Variants in MACROD1 observed in about 807,000 individuals in gnomAD.
MACROD1 encodes the protein mono-ADP ribosylhydrolase 1, also known as ADP-ribose glycohydrolase MACROD1.
A neutral mutation model predicts 41.4 loss-of-function variants in MACROD1; 31 were observed. That is an observed-to-expected ratio of 0.75 (90% CI 0.56 to 1.01). The LOEUF (loss-of-function observed/expected upper bound fraction) is 1.01. MACROD1 is among the 50% of genes least tolerant of loss of function. The pLI, the probability that MACROD1 is intolerant of heterozygous loss-of-function variation, is 0.00. For synonymous variants in MACROD1, 252 were observed against 203.4 expected (o/e 1.24, Z -2.03); for missense variants, 473 against 460.0 (o/e 1.03, Z -0.26).
chr11:64,105,637 A>G (rs1944748790), intron 3 of MACROD1, among the ~76,000 whole-genome samples: 1 of 152,220 alleles, frequency 6.6e-6, no homozygotes, highest in East Asian at 1.9e-4. Flanking sequence ...GAGTGACCCC[A>G]CAGGCGTGAG....
At chr11:64,050,290 C>T (rs1017212789) in intron 3 of MACROD1, among the ~76,000 whole-genome samples, 2 of 152,128 alleles carry the variant, frequency 1.3e-5, no homozygotes, top group African/African-American at 4.8e-5. Flanking sequence ...CCCCAGGACT[C>T]ACAGCTACCA....
chr11:64,041,036 T>A (rs1943474567), intron 3 of MACROD1, among the ~76,000 whole-genome samples: 1 of 151,760 alleles, frequency 6.6e-6, no homozygotes, highest in East Asian at 1.9e-4. Context: ...TATACTTAAT[T>A]AAAACTGGGA....
intron 3 of MACROD1, among the ~76,000 whole-genome samples, chr11:64,141,600 G>C (rs963006613): frequency 6.6e-6 from 1 of 152,222 alleles, no homozygotes; most frequent in African/African-American, 2.4e-5. Flanking sequence ...TTCATGCTTG[G>C]CCAATTTAAT....
At chr11:64,071,593 A>C (rs1305092217) in intron 3 of MACROD1, among the ~76,000 whole-genome samples, 1 of 151,578 alleles carries the variant, frequency 6.6e-6, no homozygotes, top group Non-Finnish European at 1.5e-5. Flanking sequence ...TCCCCAAATG[A>C]CCGCTCTTCC....
intron 3 of MACROD1, among the ~76,000 whole-genome samples, chr11:64,053,881 C>T (rs1943737665): frequency 6.6e-6 from 1 of 152,104 alleles, no homozygotes; most frequent in African/African-American, 2.4e-5. Context: ...GATGCAAGGC[C>T]GCATACCCGG....
intron 3 of MACROD1, among the ~76,000 whole-genome samples, chr11:64,037,593 G>A (rs888722013): frequency 2.6e-5 from 4 of 152,174 alleles, no homozygotes; most frequent in African/African-American, 9.7e-5. Flanking sequence ...GTGAGGGGCA[G>A]GAAGAGCTGA....
chr11:64,123,209 G>A (rs559310958), intron 3 of MACROD1, among the ~76,000 whole-genome samples: 17 of 152,320 alleles, frequency 1.1e-4, no homozygotes, highest in African/African-American at 3.8e-4. Context: ...AGTGACGGGC[G>A]TCCGCGTGCC....
At chr11:64,155,285 G>A (rs1945650382) in intron 1 of MACROD1, among the ~76,000 whole-genome samples, 1 of 152,272 alleles carries the variant, frequency 6.6e-6, no homozygotes, top group Admixed American at 6.5e-5. Context: ...AAAAGAGAGA[G>A]AGCATTTGGG....
chr11:64,072,513 G>A (rs1468213830), intron 3 of MACROD1, among the ~76,000 whole-genome samples: 1 of 152,204 alleles, frequency 6.6e-6, no homozygotes, highest in Non-Finnish European at 1.5e-5. Flanking sequence ...TGATAAACCA[G>A]GCACCCGTGA....
chr11:64,080,158 G>A (rs563663328), intron 3 of MACROD1, among the ~76,000 whole-genome samples: 2 of 152,252 alleles, frequency 1.3e-5, no homozygotes, highest in East Asian at 1.9e-4. Context: ...GATTACAGGC[G>A]TGCGCCACCA....
chr11:64,158,712 G>A (rs993694545), intron 1 of MACROD1, among the ~76,000 whole-genome samples: 6 of 131,836 alleles, frequency 4.6e-5, no homozygotes, highest in African/African-American at 1.5e-4. Flanking sequence ...GCCAGGGGCT[G>A]TTGGAACAAG....
At chr11:64,155,910 A>T (rs1364022838) in intron 1 of MACROD1, among the ~76,000 whole-genome samples, 1 of 151,984 alleles carries the variant, frequency 6.6e-6, no homozygotes, top group African/African-American at 2.4e-5. Flanking sequence ...GGAGTTTGAG[A>T]TCAGCCTGGC....
At chr11:64,022,557 C>A (rs926002068) in intron 3 of MACROD1, among the ~76,000 whole-genome samples, 1 of 152,114 alleles carries the variant, frequency 6.6e-6, no homozygotes, top group Non-Finnish European at 1.5e-5. Context: ...GACTTGAGGG[C>A]GAGTCGTTTA....
At chr11:64,030,590 A>G (rs528466105) in intron 3 of MACROD1, among the ~76,000 whole-genome samples, 10 of 152,284 alleles carry the variant, frequency 6.6e-5, no homozygotes, top group Admixed American at 5.9e-4. Flanking sequence ...CCAGGAAGCA[A>G]ACACAACGCC....
chr11:64,163,570 G>A (rs568819855), intron 1 of MACROD1, among the ~76,000 whole-genome samples: 10 of 152,290 alleles, frequency 6.6e-5, no homozygotes, highest in African/African-American at 2.4e-4. Flanking sequence ...CACTCAAGCA[G>A]CCCCATGGAG....
At chr11:64,083,366 G>A (rs1320978924) in intron 3 of MACROD1, among the ~76,000 whole-genome samples, 1 of 152,202 alleles carries the variant, frequency 6.6e-6, no homozygotes, top group Admixed American at 6.5e-5. Context: ...AACCCAGGAA[G>A]TGGAGATTGC....
chr11:64,046,574 G>C (rs144296638), intron 3 of MACROD1, among the ~76,000 whole-genome samples: 60 of 152,160 alleles, frequency 3.9e-4, no homozygotes, highest in African/African-American at 1.3e-3. Context: ...TTTTTGAGAC[G>C]GAGTTTTGTT....
intron 4 of MACROD1, among the ~76,000 whole-genome samples, chr11:64,012,730 T>A (rs1243965864): frequency 6.6e-6 from 1 of 152,188 alleles, no homozygotes; most frequent in Non-Finnish European, 1.5e-5. Context: ...GAGACAGGGT[T>A]TCACCATGTT....
chr11:64,075,508 G>C (rs1247282256), intron 3 of MACROD1, among the ~76,000 whole-genome samples: 1 of 152,262 alleles, frequency 6.6e-6, no homozygotes, highest in Non-Finnish European at 1.5e-5. Flanking sequence ...CAGGGCCCCA[G>C]CTGGGCTCAA....
Sources: allele counts gnomAD v4.1 joint callset (sites outside exome capture counted in the v4.1 genomes callset), GRCh38; gene constraint gnomAD v4.1.1; transcripts MANE v1.5; gene names NCBI Gene and HGNC (gene_info 2026-07-23, HGNC 2026-07-21).